Variants in NBEA observed in about 807,000 individuals in gnomAD.
NBEA encodes the protein lysosomal-trafficking regulator 2.
In NBEA, 44 loss-of-function variants were observed where a neutral mutation model predicts 343.4. The ratio of observed to expected loss-of-function variants is 0.13; its 90% CI spans 0.10 to 0.16. The LOEUF is 0.16. NBEA is among the 10% of genes least tolerant of loss of function. The probability of loss-of-function intolerance (pLI) is 1.00; values close to 1 mark genes in which losing one functional copy is unlikely to be tolerated. For synonymous variants in NBEA, 1,175 were observed against 1,238.7 expected, an observed-to-expected ratio of 0.95 and a Z score of 1.08; for missense variants, 2,555 against 3,631.3, an observed-to-expected ratio of 0.70 and a Z score of 7.62.
At chr13:34,988,576 C>CTGTGGGCGTGGA (rs2060641516) in intron 1 of NBEA, among the ~76,000 whole-genome samples, 1 of 151,058 alleles carries the variant, frequency 6.6e-6, no homozygotes, top group African/African-American at 2.4e-5. Context: ...GTGAGCAAGT[C>CTGTGGGCGTGGA]TCTGTGGGCG....
chr13:35,103,346 G>A (rs2065748269), intron 11 of NBEA, among the ~76,000 whole-genome samples: 1 of 151,072 alleles, frequency 6.6e-6, no homozygotes, highest in African/African-American at 2.4e-5. Context: ...TATTTGACCT[G>A]TGAATATTTC....
At chr13:35,333,910 G>A (rs1007053299) in intron 36 of NBEA, among the ~76,000 whole-genome samples, 6 of 151,986 alleles carry the variant, frequency 3.9e-5, no homozygotes, top group Admixed American at 3.3e-4. Flanking sequence ...ACTCCATTGT[G>A]TACAAGTACT....
At chr13:35,580,456 T>C (rs1185920543) in intron 45 of NBEA, among the ~76,000 whole-genome samples, 1 of 152,192 alleles carries the variant, frequency 6.6e-6, no homozygotes, top group Non-Finnish European at 1.5e-5. Context: ...TCAGATGATA[T>C]TGACATTGCA....
chr13:35,028,149 T>C (rs2152546450), intron 1 of NBEA, among the ~76,000 whole-genome samples: 1 of 152,042 alleles, frequency 6.6e-6, no homozygotes, highest in Middle Eastern at 3.4e-3. Flanking sequence ...ATTTAAGGTA[T>C]TGTAATTCCT....
At chr13:35,242,267 A>G (rs978496449) in intron 34 of NBEA, among the ~76,000 whole-genome samples, 1 of 151,860 alleles carries the variant, frequency 6.6e-6, no homozygotes, top group Non-Finnish European at 1.5e-5. Flanking sequence ...CCACAAAGGA[A>G]TTAAAAAATT....
chr13:35,280,184 A>G (rs1035157672), intron 34 of NBEA, among the ~76,000 whole-genome samples: 1 of 152,162 alleles, frequency 6.6e-6, no homozygotes, highest in Non-Finnish European at 1.5e-5. Flanking sequence ...TTCTGATTAA[A>G]CATATATTTT....
At chr13:35,563,910 G>A (rs1474899032) in intron 44 of NBEA, among the ~76,000 whole-genome samples, 1 of 151,492 alleles carries the variant, frequency 6.6e-6, no homozygotes, top group Non-Finnish European at 1.5e-5. Context: ...GGTTCAAGGA[G>A]TACATGTGCA....
intron 38 of NBEA, among the ~76,000 whole-genome samples, chr13:35,357,530 G>C (rs2040559708): frequency 6.6e-6 from 1 of 151,928 alleles, no homozygotes. Flanking sequence ...GCTCCCACTT[G>C]TAAGTGAGAA....
chr13:35,346,350 C>T (rs2039875468), intron 36 of NBEA, among the ~76,000 whole-genome samples: 1 of 152,122 alleles, frequency 6.6e-6, no homozygotes, highest in South Asian at 2.1e-4. Context: ...TCTAATATCA[C>T]ATCTCTTCTC....
At chr13:34,987,776 T>C (rs1223415546) in intron 1 of NBEA, among the ~76,000 whole-genome samples, 1 of 151,242 alleles carries the variant, frequency 6.6e-6, no homozygotes, top group Non-Finnish European at 1.5e-5. Context: ...TTTTTCCACT[T>C]GATCAAATAG....
intron 35 of NBEA, among the ~76,000 whole-genome samples, chr13:35,291,635 C>T (rs9600449): frequency 0.029 from 4,476 of 151,910 alleles, 85 homozygotes; most frequent in Non-Finnish European, 0.045. Flanking sequence ...CTGTAAAATG[C>T]GTTTATGGAA....
intron 36 of NBEA, among the ~76,000 whole-genome samples, chr13:35,339,816 C>A (rs571569975): frequency 1.3e-5 from 2 of 152,124 alleles, no homozygotes; most frequent in South Asian, 2.1e-4. Context: ...AGAACAGCAG[C>A]AAGAGGATAT....
At chr13:35,510,514 C>T (rs192371460) in intron 41 of NBEA, among the ~76,000 whole-genome samples, 3 of 152,240 alleles carry the variant, frequency 2.0e-5, no homozygotes, top group Admixed American at 6.5e-5. Context: ...CCAGCCACCT[C>T]GCTGGGATGT....
chr13:35,518,770 A>T (rs1262594648), intron 41 of NBEA, among the ~76,000 whole-genome samples: 1 of 151,034 alleles, frequency 6.6e-6, no homozygotes, highest in African/African-American at 2.4e-5. Context: ...CCAATTATTG[A>T]TATAATTTGG....
chr13:35,191,007 C>A lies in NBEA; in HGVS notation c.4928-4857C>A, dbSNP rs2072148148. Among the ~76,000 whole-genome samples the A allele has an allele frequency of 3.3e-5, 5 of 152,100 alleles. No homozygotes were observed. The South Asian group carries it at 1.0e-3, about 32-fold the overall frequency. ...ATTGTAATAACTGAAATGAAAAATT[C>A]ACTTAGAGGGGTTCAGCAGAAGATC... On this transcript the variant is annotated intron_variant, in intron 30 of 58. Coordinates refer to ENST00000379939, the MANE Select transcript of NBEA (RefSeq NM_001385012.1).
intron 38 of NBEA, among the ~76,000 whole-genome samples, chr13:35,420,661 A>G (rs775890723): frequency 6.6e-6 from 1 of 152,034 alleles, no homozygotes; most frequent in Non-Finnish European, 1.5e-5. Context: ...GGGAAAGAGG[A>G]GTAAACATCT....
At chr13:35,639,153 G>T (rs565038409) in intron 49 of NBEA, among the ~76,000 whole-genome samples, 9 of 152,208 alleles carry the variant, frequency 5.9e-5, no homozygotes, top group Admixed American at 5.2e-4. Context: ...GCAGTTGAAG[G>T]TTAAAACAAA....
intron 44 of NBEA, among the ~76,000 whole-genome samples, chr13:35,558,401 A>T (rs370498722): frequency 1.3e-5 from 2 of 152,328 alleles, no homozygotes; most frequent in African/African-American, 2.4e-5. Flanking sequence ...CATAGGTGAC[A>T]TTTAAATTGG....
At chr13:35,592,677 G>A (rs2081590987) in intron 46 of NBEA, among the ~76,000 whole-genome samples, 1 of 152,050 alleles carries the variant, frequency 6.6e-6, no homozygotes, top group African/African-American at 2.4e-5. Flanking sequence ...TGTGAAGAGG[G>A]GAATGGTGAG....
Sources: gnomAD v4.1 joint callset for allele counts (sites outside exome capture counted in the v4.1 genomes callset) on GRCh38, gnomAD v4.1.1 for gene constraint, MANE v1.5 for transcripts, NCBI Gene and HGNC (gene_info 2026-07-23, HGNC 2026-07-21) for gene names.